The following LMBRD1 variants were observed in gnomAD, a reference collection of about 807,000 sequenced individuals.
LMBRD1 encodes the protein lysosomal cobalamin transport escort protein LMBD1.
In LMBRD1, 64 loss-of-function variants were observed where a neutral mutation model predicts 74.8. That is an observed-to-expected ratio of 0.86 (90% confidence interval 0.70 to 1.05). The LOEUF is 1.05. Ranked by LOEUF, LMBRD1 falls within the 50% of genes least tolerant of loss-of-function variation. LMBRD1 has a pLI of 0.00. For missense variants in LMBRD1, 652 were observed against 645.9 expected (o/e 1.01, Z -0.10); for synonymous variants, 204 against 216.3 (o/e 0.94, Z 0.50).
intron 7 of LMBRD1, among the ~76,000 whole-genome samples, chr6:69,723,610 T>G (rs2149859433): frequency 6.6e-6 from 1 of 151,282 alleles, no homozygotes; most frequent in African/African-American, 2.4e-5. Context: ...ATTGAAAGAG[T>G]TCTGGAAACA....
chr6:69,734,922 G>A (rs1766941454), intron 7 of LMBRD1, among the ~76,000 whole-genome samples: 1 of 152,064 alleles, frequency 6.6e-6, no homozygotes, highest in African/African-American at 2.4e-5. Context: ...TGGTCATAGT[G>A]GGTTAAATTA....
chr6:69,779,498 G>A lies in LMBRD1; in HGVS notation c.307+996C>T, dbSNP rs150444835. ...GGAGGAGCCAAGCAACCATAAGTCT[G>A]GGATTAAAATGACTCTGTGGAGAGT... is the stretch of plus-strand genomic sequence containing the variant. On this transcript the variant is annotated intron_variant, in intron 3 of 15. Transcript: ENST00000649934. Among the ~76,000 whole-genome samples the A allele has an allele frequency of 7.9e-5, 12 of 152,188 alleles. No individual in the cohort carries two copies. In the East Asian group the frequency reaches 2.3e-3, roughly 29 times the overall value.
At chr6:69,694,682 G>C (rs1765956048) in intron 14 of LMBRD1, among the ~76,000 whole-genome samples, 1 of 151,806 alleles carries the variant, frequency 6.6e-6, no homozygotes, top group Admixed American at 6.6e-5. Flanking sequence ...ATTGTCCTTT[G>C]CTTTCCATCC....
Position 69,742,378 on chromosome 6 carries a change from C to G in LMBRD1, c.474-501G>C, listed in dbSNP as rs114178978. On this transcript the variant is annotated intron_variant, in intron 5 of 15. Transcript: ENST00000649934. ...AGTATTTTTCTATTAATATATCTTT[C>G]AAGATTCTATCCAACAGACACAATG... Among the ~76,000 whole-genome samples the G allele has an allele frequency of 4.9e-3, 750 of 152,228 alleles. 6 individuals carry two copies. The highest frequency in any genetic ancestry group is 0.017 in the African/African-American group (713 of 41,548).
At chr6:69,773,486 A>G (rs1484550367) in intron 3 of LMBRD1, among the ~76,000 whole-genome samples, 1 of 152,216 alleles carries the variant, frequency 6.6e-6, no homozygotes, top group East Asian at 1.9e-4. Flanking sequence ...ATCAATAGGG[A>G]ATGAAGAGAA....
At chr6:69,795,195 G>A (rs1451420978) in intron 1 of LMBRD1, among the ~76,000 whole-genome samples, 2 of 152,186 alleles carry the variant, frequency 1.3e-5, no homozygotes, top group African/African-American at 4.8e-5. Context: ...TTAAACAAAA[G>A]TCCTTCTTCC....
At chr6:69,698,371 A>T (rs1766051066) in intron 13 of LMBRD1, among the ~76,000 whole-genome samples, 1 of 152,040 alleles carries the variant, frequency 6.6e-6, no homozygotes. Flanking sequence ...GAAAGACTCC[A>T]CTAAAGCAAT....
intron 14 of LMBRD1, among the ~76,000 whole-genome samples, chr6:69,689,507 A>G (rs912854123): frequency 2.0e-5 from 3 of 152,126 alleles, no homozygotes; most frequent in Admixed American, 6.5e-5. Flanking sequence ...TAGAACTGAC[A>G]AAATAGTTTT....
intron 14 of LMBRD1, among the ~76,000 whole-genome samples, chr6:69,685,736 G>A (rs972527734): frequency 1.5e-4 from 23 of 152,172 alleles, no homozygotes; most frequent in African/African-American, 5.1e-4. Flanking sequence ...GGGAGGCAGA[G>A]GCTGCAGTGA....
Sources: gnomAD v4.1 joint callset for allele counts (sites outside exome capture counted in the v4.1 genomes callset) on GRCh38, gnomAD v4.1.1 for gene constraint, MANE v1.5 for transcripts, NCBI Gene and HGNC (gene_info 2026-07-23, HGNC 2026-07-21) for gene names.